The following TAFA1 variants were observed in gnomAD, a reference collection of about 807,000 sequenced individuals.
TAFA1 encodes the protein TAFA chemokine like family member 1.
Under a neutral mutation model 18.5 loss-of-function variants are expected in TAFA1, and 4 were observed. The ratio of observed to expected loss-of-function variants is 0.22; its 90% CI spans 0.11 to 0.49. TAFA1 has a LOEUF of 0.49. Ranked by LOEUF, TAFA1 falls within the 20% of genes least tolerant of loss-of-function variation. The pLI, the probability that TAFA1 is intolerant of heterozygous loss-of-function variation, is 0.98. For synonymous variants in TAFA1, 56 were observed against 55.2 expected (o/e 1.01, Z -0.06); for missense variants, 147 against 169.0 (o/e 0.87, Z 0.72).
chr3:68,474,735 C>A (rs1425552477), intron 3 of TAFA1, among the ~76,000 whole-genome samples: 1 of 152,150 alleles, frequency 6.6e-6, no homozygotes, highest in African/African-American at 2.4e-5. Context: ...AGGCGTCATA[C>A]CTGAAAAGGC....
At chr3:68,328,610 C>G (rs1044375185) in intron 2 of TAFA1, among the ~76,000 whole-genome samples, 3 of 152,124 alleles carry the variant, frequency 2.0e-5, no homozygotes, top group African/African-American at 7.2e-5. Context: ...AACTAGCAGG[C>G]TAACGTGAGG....
intron 2 of TAFA1, among the ~76,000 whole-genome samples, chr3:68,396,966 C>A (rs1672395601): frequency 6.6e-6 from 1 of 152,080 alleles, no homozygotes; most frequent in Non-Finnish European, 1.5e-5. Context: ...TGGCATCTTC[C>A]TTCATTTTGA....
At chr3:68,090,331 C>G (rs2065016003) in intron 2 of TAFA1, among the ~76,000 whole-genome samples, 1 of 152,138 alleles carries the variant, frequency 6.6e-6, no homozygotes, top group Non-Finnish European at 1.5e-5. Flanking sequence ...ACTCAGTTTC[C>G]TCTAATGGTA....
intron 3 of TAFA1, among the ~76,000 whole-genome samples, chr3:68,458,485 A>G (rs979838470): frequency 2.0e-5 from 3 of 152,172 alleles, no homozygotes; most frequent in Non-Finnish European, 2.9e-5. Flanking sequence ...TGAGAACCAT[A>G]TACCTGTTCA....
At chr3:68,407,456 A>T (rs1301293232) in intron 2 of TAFA1, among the ~76,000 whole-genome samples, 1 of 152,190 alleles carries the variant, frequency 6.6e-6, no homozygotes, top group East Asian at 1.9e-4. Flanking sequence ...TGATTAGGAC[A>T]AGAATTGAAA....
intron 2 of TAFA1, among the ~76,000 whole-genome samples, chr3:68,217,906 A>G (rs985882775): frequency 2.0e-5 from 3 of 152,070 alleles, no homozygotes; most frequent in Non-Finnish European, 4.4e-5. Context: ...CATCATTATT[A>G]TAATTGAAGG....
chr3:68,477,480 T>G (rs1274242866), intron 3 of TAFA1, among the ~76,000 whole-genome samples: 1 of 152,212 alleles, frequency 6.6e-6, no homozygotes, highest in Non-Finnish European at 1.5e-5. Context: ...GTTTAAGTGA[T>G]TCTCTTGCCT....
chr3:68,046,558 T>A (rs909103051), intron 2 of TAFA1, among the ~76,000 whole-genome samples: 3 of 152,204 alleles, frequency 2.0e-5, no homozygotes, highest in African/African-American at 7.2e-5. Flanking sequence ...ATTGTCTTAT[T>A]GTTAAGATCA....
At chr3:68,381,444 A>G (rs1383580114) in intron 2 of TAFA1, among the ~76,000 whole-genome samples, 1 of 151,810 alleles carries the variant, frequency 6.6e-6, no homozygotes, top group Non-Finnish European at 1.5e-5. Flanking sequence ...CTTTTATTTC[A>G]TTGAGCAGTG....
chr3:68,405,787 C>T (rs561517818), intron 2 of TAFA1, among the ~76,000 whole-genome samples: 36 of 148,770 alleles, frequency 2.4e-4, no homozygotes, highest in African/African-American at 8.2e-4. Flanking sequence ...TTAGGCCCCC[C>T]ACCACTGCAG....
intron 2 of TAFA1, among the ~76,000 whole-genome samples, chr3:68,409,555 C>T (rs935212369): frequency 6.6e-6 from 1 of 152,122 alleles, no homozygotes; most frequent in African/African-American, 2.4e-5. Context: ...TTGTAAGTTT[C>T]CTGAGGCCTC....
chr3:68,331,939 C>T (rs143266244), intron 2 of TAFA1, among the ~76,000 whole-genome samples: 2,402 of 138,090 alleles, frequency 0.017, 80 homozygotes, highest in African/African-American at 0.06. Context: ...TCTCAGCTCA[C>T]TGCAAGCTCT....
At chr3:68,336,850 A>G (rs531204524) in intron 2 of TAFA1, among the ~76,000 whole-genome samples, 15 of 152,222 alleles carry the variant, frequency 9.9e-5, no homozygotes, top group Non-Finnish European at 1.8e-4. Context: ...CAGCCTCCCA[A>G]ATAGCTGGGA....
At chr3:68,034,228 G>A (rs1381275488) in intron 2 of TAFA1, among the ~76,000 whole-genome samples, 1 of 152,174 alleles carries the variant, frequency 6.6e-6, no homozygotes, top group Non-Finnish European at 1.5e-5. Context: ...AGAGTCCCTG[G>A]AATGCTTCCT....
rs573561721 is a variant in TAFA1, at chr3:68,377,623, G to T, written c.119-39657G>T. Among the ~76,000 whole-genome samples, 6 of 152,276 alleles carry T rather than the reference G, an allele frequency of 3.9e-5. No individual in the cohort carries two copies. In the South Asian group the frequency reaches 1.2e-3, roughly 32 times the overall value. On this transcript the variant is annotated intron_variant, in intron 2 of 4. Transcript: ENST00000478136. ...AGCTGCAGAAATTTGCATAAGTAAC[G>T]AGGATTTAATTGTTAATCGCCAACA...
chr3:68,145,404 C>T (rs190356559), intron 2 of TAFA1: 6 of 848,986 alleles, frequency 7.1e-6, no homozygotes, highest in Non-Finnish European at 1.0e-5. Flanking sequence ...GATGATTTTG[C>T]AGCCTTTGTT....
At chr3:68,169,945 T>C (rs2066031857) in intron 2 of TAFA1, among the ~76,000 whole-genome samples, 1 of 152,172 alleles carries the variant, frequency 6.6e-6, no homozygotes, top group African/African-American at 2.4e-5. Flanking sequence ...CAAGAAACCC[T>C]TGCAGAATGA....
At chr3:68,177,374 T>C (rs2066138989) in intron 2 of TAFA1, among the ~76,000 whole-genome samples, 1 of 152,170 alleles carries the variant, frequency 6.6e-6, no homozygotes, top group Non-Finnish European at 1.5e-5. Context: ...ACAGAGCTCA[T>C]GGCTAAAGAG....
At chr3:67,999,763 C>T, upstream of TAFA1, among the ~76,000 whole-genome samples, 1 of 151,448 alleles carries the variant, frequency 6.6e-6, no homozygotes. Context: ...TAGGCTAACA[C>T]AGGACAAGGT....
Sources: gnomAD v4.1 joint callset for allele counts (sites outside exome capture counted in the v4.1 genomes callset) on GRCh38, gnomAD v4.1.1 for gene constraint, MANE v1.5 for transcripts, NCBI Gene and HGNC (gene_info 2026-07-23, HGNC 2026-07-21) for gene names.